Variants in PRPF6 observed in about 807,000 individuals in gnomAD.
PRPF6 encodes pre-mRNA processing factor 6, also known as pre-mRNA-processing factor 6.
Under a neutral mutation model 118.3 loss-of-function variants are expected in PRPF6, and 42 were observed. That is an observed-to-expected ratio of 0.35 (90% CI 0.28 to 0.46). The LOEUF (loss-of-function observed/expected upper bound fraction) is 0.46, where lower values mean the gene tolerates loss of function less well. Among genes scored for constraint, PRPF6 ranks in the 20% least tolerant of loss-of-function variants. PRPF6 has a pLI of 1.00. For missense variants in PRPF6, 662 were observed against 1,255.7 expected, an observed-to-expected ratio of 0.53 and a Z score of 7.15; for synonymous variants, 481 against 485.1, an observed-to-expected ratio of 0.99 and a Z score of 0.11.
chr20:64,028,582 C>T lies in PRPF6; in HGVS notation c.2431+13C>T, dbSNP rs2059301785. On this transcript the variant is annotated intron_variant, in intron 18 of 20. Coordinates refer to ENST00000266079, the MANE Select transcript of PRPF6 (RefSeq NM_012469.4). This position sits in a 1 kb window ranked among gnomAD's most constrained non-coding sequence, Gnocchi z 6.5. ...TGCCCCAACTCCGGTAAGGGGGTGC[C>T]CCGACTCCGGTAAGGGGGTGCCCTG... 15 of 1,608,018 alleles carry T rather than the reference C, an allele frequency of 9.3e-6. No individual in the cohort carries two copies. The highest frequency in any genetic ancestry group is 5.4e-5 in the African/African-American group (4 of 74,644).
At chr20:64,024,909 A>C (rs2059281687) in intron 14 of PRPF6, among the ~76,000 whole-genome samples, 1 of 152,064 alleles carries the variant, frequency 6.6e-6, no homozygotes, top group South Asian at 2.1e-4. Flanking sequence ...CGGTCCCCCC[A>C]CTCAGTGTGA....
chr20:63,997,364 C>T (rs1482790925), intron 6 of PRPF6, among the ~76,000 whole-genome samples: 3 of 147,354 alleles, frequency 2.0e-5, no homozygotes, highest in Non-Finnish European at 4.4e-5. Context: ...GGTCTTGGCT[C>T]ACTGCAGCCT....
rs1555916398 is a variant in PRPF6 at position 63,987,189 on chromosome 20, A to AAG, written c.359+2164_359+2165insAG. Among the ~76,000 whole-genome samples, 736 of 116,588 alleles carry AAG rather than the reference A, an allele frequency of 6.3e-3. 2 individuals carry two copies. The highest frequency in any genetic ancestry group is 0.011 in the Middle Eastern group (2 of 186). The allele number at this position is 116,588 out of a possible 152,430, so 76.5% of individuals were successfully genotyped here. On this transcript the variant is annotated intron_variant, in intron 3 of 20. Coordinates refer to ENST00000266079, the MANE Select transcript of PRPF6 (RefSeq NM_012469.4). ...TGTCTCAAAAAAAAAAAAAAAAAAA[A>AAG]GGGGGGGGGAGCATAACACAATAAA...
At chr20:64,001,770 C>T (rs1412611645) in intron 9 of PRPF6, among the ~76,000 whole-genome samples, 4 of 152,190 alleles carry the variant, frequency 2.6e-5, no homozygotes, top group East Asian at 1.9e-4. Flanking sequence ...TAACGACAGA[C>T]GGTGTGCCTA....
intron 9 of PRPF6, among the ~76,000 whole-genome samples, chr20:64,006,541 C>T (rs537292557): frequency 5.9e-5 from 9 of 152,102 alleles, no homozygotes; most frequent in African/African-American, 1.9e-4. Flanking sequence ...AGGCTGGTCT[C>T]GAACTCCTGA....
intron 9 of PRPF6, among the ~76,000 whole-genome samples, chr20:64,001,450 G>C (rs1472984635): frequency 6.6e-6 from 1 of 152,224 alleles, no homozygotes; most frequent in Non-Finnish European, 1.5e-5. Flanking sequence ...AGGGATGCTT[G>C]GGTTGAGCCC....
intron 3 of PRPF6, among the ~76,000 whole-genome samples, chr20:63,988,289 C>A (rs1485336028): frequency 3.3e-5 from 5 of 149,990 alleles, no homozygotes; most frequent in Non-Finnish European, 7.4e-5. Flanking sequence ...CACTGCACTC[C>A]AGCCTGAGTG....
Position 64,028,607 on chromosome 20 carries a change from G to T in PRPF6, c.2431+38G>T. ...CCCGACTCCGGTAAGGGGGTGCCCT[G>T]ACTCCGGTAAGGGGGTGCCTTGACT... On this transcript the variant is annotated intron_variant, in intron 18 of 20. Transcript: ENST00000266079. The surrounding 1 kb of genome is among the most constrained non-coding windows in gnomAD (Gnocchi z 6.5). The T allele has an allele frequency of 6.2e-7, 1 of 1,602,910 alleles. No homozygotes were observed. The highest frequency in any genetic ancestry group is 1.1e-5 in the South Asian group (1 of 90,524).
intron 20 of PRPF6, 115 bp from the exon 21 acceptor site, chr20:64,032,726 C>T: frequency 7.3e-7 from 1 of 1,369,844 alleles, no homozygotes; most frequent in Non-Finnish European, 1.0e-6. Flanking sequence ...CTCTGGCCCG[C>T]CAGTTGGGGT....
chr20:64,023,883 T>C (rs2059276659), intron 13 of PRPF6, among the ~76,000 whole-genome samples: 2 of 152,192 alleles, frequency 1.3e-5, no homozygotes, highest in Admixed American at 6.5e-5. Flanking sequence ...GAGTGCATGC[T>C]TGCAGGGATG....
At chr20:63,989,451 T>C (rs941914915) in intron 3 of PRPF6, among the ~76,000 whole-genome samples, 13 of 152,056 alleles carry the variant, frequency 8.5e-5, no homozygotes, top group Non-Finnish European at 1.5e-4. Flanking sequence ...AGGAAAAAAA[T>C]AAAAAGTTCT....
At chr20:63,981,643 T>TCCCCCCCCCCCCCCCC (rs11295538) in intron 1 of PRPF6, among the ~76,000 whole-genome samples, 3 of 124,394 alleles carry the variant, frequency 2.4e-5, no homozygotes, top group Admixed American at 8.3e-5. Context: ...GGGCTGACAC[T>TCCCCCCCCCCCCCCCC]CCCCCCCCCC....
chr20:63,981,735 G>C (rs148633237), intron 1 of PRPF6, among the ~76,000 whole-genome samples: 174 of 144,778 alleles, frequency 1.2e-3, no homozygotes, highest in African/African-American at 4.2e-3. Context: ...TGCTGGATAA[G>C]TGAGCAGTCG....
chr20:64,033,055 G>C lies in PRPF6; in HGVS notation c.*62G>C. 1.9e-6 allele frequency: 3 copies of C among 1,604,454 alleles called. No homozygotes were observed. The highest frequency in any genetic ancestry group is 2.6e-6 in the Non-Finnish European group (3 of 1,174,510). On this transcript the variant is annotated 3_prime_UTR_variant, in exon 21 of 21. Transcript: ENST00000266079. ...GTTGGGCCGCATGTGGAAGGGCTCT[G>C]AGCTGTGTCCTCCTTCATTAAAAGT...
At chr20:63,982,431 A>T (rs1026805649) in intron 1 of PRPF6, among the ~76,000 whole-genome samples, 3 of 152,160 alleles carry the variant, frequency 2.0e-5, no homozygotes, top group African/African-American at 7.2e-5. Context: ...CCGTCTCCCA[A>T]AGTGCTGGGA....
intron 12 of PRPF6, among the ~76,000 whole-genome samples, chr20:64,021,230 CATGTCTGTGTGTGCGTGTGTG>C (rs2059260961): frequency 6.5e-4 from 99 of 151,678 alleles, no homozygotes; most frequent in African/African-American, 2.3e-3. Context: ...GCCACAGCCC[CATGTCTGTGTGTGCGTGTGTG>C]CGTGCACGTA....
rs1451898210 is a variant in PRPF6, at chr20:63,997,826, C to T, written c.772-1219C>T. ...CTGACCTCCAGTGATCCACGTGGCT[C>T]GGCCTCCCAAAGTGCTGGGATTACA... On this transcript the variant is annotated intron_variant, in intron 6 of 20. Transcript: ENST00000266079. Among the ~76,000 whole-genome samples the T allele has an allele frequency of 7.2e-5, 11 of 152,028 alleles. No homozygotes were observed. The South Asian group carries it at 1.0e-3, about 14-fold the overall frequency.
In PRPF6 at chr20:64,022,799, G is replaced by A. The variant is rs372536656; in HGVS notation, c.1690G>A (p.Ala564Thr). 6.3e-5 allele frequency: 102 copies of A among 1,613,976 alleles called. No individual in the cohort carries two copies. The highest frequency in any genetic ancestry group is 4.0e-4 in the Admixed American group (24 of 59,998). Residue 564 changes from alanine to threonine, a missense_variant, in exon 13 of 21, where the codon GCC becomes ACC. Ala to Thr is a moderately conservative substitution (Grantham distance 58, BLOSUM62 0). Transcript: ENST00000266079. ...CCTGGAGTGTGCACGAGCCATCTAC[G>A]CCTACGCCCTGCAGGTGTTCCCCAG... ...NALECARAIY[A>T]YALQVFPSKK...
chr20:64,029,920 A>G lies in PRPF6; in HGVS notation c.2546+429A>G, dbSNP rs375633283. Among the ~76,000 whole-genome samples, 36 of 139,752 alleles carry G rather than the reference A, an allele frequency of 2.6e-4. No individual in the cohort carries two copies. Among genetic ancestry groups the G allele is most frequent in the African/African-American group, 8.0e-4 (26 of 32,688 alleles). The allele number at this position is 139,752 out of a possible 152,430, so 91.7% of individuals were successfully genotyped here. A position where few individuals can be genotyped will look rare whatever the true frequency, so the allele number is the denominator to read the frequency against. On this transcript the variant is annotated intron_variant, in intron 19 of 20. Coordinates refer to ENST00000266079, the MANE Select transcript of PRPF6 (RefSeq NM_012469.4). This position sits in a 1 kb window ranked among gnomAD's most constrained non-coding sequence, Gnocchi z 4.8. ...CGGGTCAGAGACTCACTGGGGACAC[A>G]TGTGATTCACACTGGTGTGCTGGCC...
Sources: allele counts gnomAD v4.1 joint callset (sites outside exome capture counted in the v4.1 genomes callset), GRCh38; gene constraint gnomAD v4.1.1; non-coding constraint Gnocchi (gnomAD v3.1); transcripts MANE v1.5; gene names NCBI Gene and HGNC (gene_info 2026-07-23, HGNC 2026-07-21).